Variants in GLIS3 observed in about 807,000 individuals in gnomAD.
GLIS3 encodes the protein GLIS family zinc finger 3, also known as zinc finger protein GLIS3.
Under a neutral mutation model 78.6 loss-of-function variants are expected in GLIS3, and 53 were observed. That is an observed-to-expected ratio of 0.67 (90% CI 0.54 to 0.85). GLIS3 has a LOEUF of 0.85. Ranked by LOEUF, GLIS3 falls within the 40% of genes least tolerant of loss-of-function variation. The pLI is 0.00. For missense variants in GLIS3, 1,703 were observed against 1,231.1 expected (o/e 1.38, Z -5.74); for synonymous variants, 684 against 509.9 (o/e 1.34, Z -4.60).
intron 2 of GLIS3, among the ~76,000 whole-genome samples, chr9:4,328,588 T>A (rs1167984868): frequency 6.6e-6 from 1 of 152,230 alleles, no homozygotes; most frequent in East Asian, 1.9e-4. Flanking sequence ...ATAAAGCTCC[T>A]GACTTCTGAA....
the GLIS3 span, among the ~76,000 whole-genome samples, chr9:4,356,891 G>A: frequency 2.0e-5 from 3 of 152,328 alleles, no homozygotes; most frequent in Admixed American, 1.3e-4. Flanking sequence ...TTTCAGGCAA[G>A]AGCATTATAC....
At chr9:4,298,774 C>G (rs2130467209) in intron 1 of GLIS3, among the ~76,000 whole-genome samples, 1 of 152,264 alleles carries the variant, frequency 6.6e-6, no homozygotes, top group Middle Eastern at 3.4e-3. Flanking sequence ...TAGTTCCAGA[C>G]CTGGCGGCTG....
intron 2 of GLIS3, among the ~76,000 whole-genome samples, chr9:4,250,584 T>C (rs1451258581): frequency 6.6e-6 from 1 of 152,230 alleles, no homozygotes; most frequent in African/African-American, 2.4e-5. Context: ...CATTAATTTT[T>C]TGAAGTGTTT....
At chr9:3,899,083 C>G in intron 6 of GLIS3, 1 of 543,096 alleles carries the variant, frequency 1.8e-6, no homozygotes, top group East Asian at 3.2e-5. Context: ...TTGATATTTC[C>G]ACTTCTGGCA....
intron 4 of GLIS3, among the ~76,000 whole-genome samples, chr9:4,045,494 C>T (rs892618607): frequency 2.7e-5 from 4 of 149,254 alleles, no homozygotes; most frequent in South Asian, 2.1e-4. Flanking sequence ...CACCACCACA[C>T]CTGGCTAATT....
the GLIS3 span, among the ~76,000 whole-genome samples, chr9:4,410,647 A>G: frequency 6.6e-6 from 1 of 152,212 alleles, no homozygotes; most frequent in African/African-American, 2.4e-5. Flanking sequence ...GCATAAATGG[A>G]TGCTACAGAA....
intron 2 of GLIS3, among the ~76,000 whole-genome samples, chr9:4,221,125 T>C (rs1196247679): frequency 6.6e-6 from 1 of 152,192 alleles, no homozygotes; most frequent in Non-Finnish European, 1.5e-5. Flanking sequence ...TAAGACAAAA[T>C]GCCTACAACT....
the GLIS3 span, among the ~76,000 whole-genome samples, chr9:4,462,760 T>C: frequency 6.6e-6 from 1 of 152,228 alleles, no homozygotes; most frequent in East Asian, 1.9e-4. Flanking sequence ...CAGTGAACCA[T>C]GGCTGTGCCC....
chr9:4,244,438 A>C (rs1823608350), intron 2 of GLIS3, among the ~76,000 whole-genome samples: 1 of 152,272 alleles, frequency 6.6e-6, no homozygotes, highest in South Asian at 2.1e-4. Context: ...TAAATATTAC[A>C]TAAAATGAGT....
intron 2 of GLIS3, among the ~76,000 whole-genome samples, chr9:4,136,350 C>A (rs1279423337): frequency 6.6e-6 from 1 of 152,158 alleles, no homozygotes; most frequent in East Asian, 1.9e-4. Flanking sequence ...ACTACAAACA[C>A]GTTTCCCAAA....
the GLIS3 span, among the ~76,000 whole-genome samples, chr9:4,467,826 A>ATAAC: frequency 6.6e-6 from 1 of 152,146 alleles, no homozygotes; most frequent in Non-Finnish European, 1.5e-5. Context: ...ATGATCGGTA[A>ATAAC]TAACAAACTT....
intron 4 of GLIS3, among the ~76,000 whole-genome samples, chr9:4,005,381 A>G (rs16920330): frequency 0.11 from 17,035 of 152,240 alleles, 1,029 homozygotes; most frequent in South Asian, 0.18. Flanking sequence ...ATATACATAC[A>G]TCATGCACAC....
rs939455094 is a variant in GLIS3 at position 4,153,272 on chromosome 9, A to G, written c.389-27331T>C. ...TACTAATAATCAAAAATATGAAAAT[A>G]AAAATTGTGGGCTGTGCATGGTGGC... On this transcript the variant is annotated intron_variant, in intron 2 of 10. Coordinates refer to ENST00000381971, the MANE Select transcript of GLIS3 (RefSeq NM_001042413.2). Among the ~76,000 whole-genome samples, 3 of 152,236 alleles carry G rather than the reference A, an allele frequency of 2.0e-5. 1 individual carries two copies. In the South Asian group the frequency reaches 6.2e-4, roughly 31 times the overall value.
the GLIS3 span, among the ~76,000 whole-genome samples, chr9:4,381,256 A>C: frequency 6.6e-6 from 1 of 152,220 alleles, no homozygotes; most frequent in Non-Finnish European, 1.5e-5. Flanking sequence ...TCTTAGAGGA[A>C]TTTTAGGATA....
At chr9:4,328,301 G>A (rs1167682950) in intron 2 of GLIS3, among the ~76,000 whole-genome samples, 2 of 152,148 alleles carry the variant, frequency 1.3e-5, no homozygotes, top group East Asian at 3.9e-4. Context: ...CTGAAGAAGA[G>A]CTTGGTCACA....
intron 2 of GLIS3, among the ~76,000 whole-genome samples, chr9:4,277,508 T>C (rs963158897): frequency 6.6e-6 from 1 of 152,236 alleles, no homozygotes; most frequent in East Asian, 1.9e-4. Flanking sequence ...CAACCTTAAG[T>C]GACACAAAAG....
intron 7 of GLIS3, among the ~76,000 whole-genome samples, chr9:3,881,795 G>A (rs1205645522): frequency 1.3e-5 from 2 of 152,138 alleles, no homozygotes; most frequent in Admixed American, 1.3e-4. Context: ...ATTTAATGAA[G>A]GGAGCAGACC....
intron 4 of GLIS3, among the ~76,000 whole-genome samples, chr9:4,032,819 A>C (rs1039947391): frequency 6.6e-6 from 1 of 151,704 alleles, no homozygotes; most frequent in Non-Finnish European, 1.5e-5. Context: ...TTCTTCAAGG[A>C]ACCTGAGGCT....
intron 4 of GLIS3, among the ~76,000 whole-genome samples, chr9:4,076,069 T>C (rs1048323820): frequency 6.6e-6 from 1 of 152,180 alleles, no homozygotes; most frequent in African/African-American, 2.4e-5. Flanking sequence ...AGGGTACACA[T>C]TGGTCAAATT....
Sources: allele counts gnomAD v4.1 joint callset (sites outside exome capture counted in the v4.1 genomes callset), GRCh38; gene constraint gnomAD v4.1.1; transcripts MANE v1.5; gene names NCBI Gene and HGNC (gene_info 2026-07-23, HGNC 2026-07-21).